Variants in MAD1L1 observed in about 807,000 individuals in gnomAD.
MAD1L1 encodes the protein mitotic spindle assembly checkpoint protein MAD1.
MAD1L1 carries 95 observed loss-of-function variants against 96.9 expected under a neutral mutation model. The ratio of observed to expected loss-of-function variants is 0.98; its 90% CI spans 0.83 to 1.16. The LOEUF (loss-of-function observed/expected upper bound fraction) is 1.16, where lower values mean the gene tolerates loss of function less well. Among genes scored for constraint, MAD1L1 ranks in the 50% most tolerant of loss-of-function variants. MAD1L1 has a pLI of 0.00. For missense variants in MAD1L1, 1,007 were observed against 954.4 expected, an observed-to-expected ratio of 1.06 and a Z score of -0.73; for synonymous variants, 473 against 396.6, an observed-to-expected ratio of 1.19 and a Z score of -2.29.
intron 10 of MAD1L1, among the ~76,000 whole-genome samples, chr7:2,204,218 C>T (rs1209447649): frequency 6.6e-6 from 1 of 152,160 alleles, no homozygotes; most frequent in Non-Finnish European, 1.5e-5. Flanking sequence ...TGAAGGCTGG[C>T]TTAAACAGCA....
At position 2,213,537 on chromosome 7, in the gene MAD1L1, C is replaced by A. The variant is rs73673549; in HGVS notation, c.925-264G>T. ...GTGAATCCCAGCAAGCTAAAAGCAACGTGTGGCTGTGGAGGGAGAAGGCAG... is the reference window on the plus strand; with the variant it reads ...GTGAATCCCAGCAAGCTAAAAGCAAAGTGTGGCTGTGGAGGGAGAAGGCAG... On this transcript the variant is annotated intron_variant, in intron 9 of 18. Coordinates refer to ENST00000265854, the MANE Select transcript of MAD1L1 (RefSeq NM_001013836.2). Among the ~76,000 whole-genome samples the A allele has an allele frequency of 0.016, 2,431 of 152,282 alleles. 64 individuals are homozygous for A. The highest frequency in any genetic ancestry group is 0.056 in the African/African-American group (2,310 of 41,532).
intron 18 of MAD1L1, among the ~76,000 whole-genome samples, chr7:1,886,524 G>A (rs1261807369): frequency 1.3e-5 from 2 of 152,228 alleles, no homozygotes; most frequent in East Asian, 3.9e-4. Flanking sequence ...GCGGCTGAGT[G>A]GGAGAGCACG....
intron 18 of MAD1L1, among the ~76,000 whole-genome samples, chr7:1,828,017 G>C (rs1446806032): frequency 6.6e-6 from 1 of 152,044 alleles, no homozygotes; most frequent in Non-Finnish European, 1.5e-5. Context: ...ATGCAGGCCC[G>C]CCCTCCTGTG....
chr7:1,821,778 C>T (rs1238595925), intron 18 of MAD1L1, among the ~76,000 whole-genome samples: 2 of 152,184 alleles, frequency 1.3e-5, no homozygotes, highest in Non-Finnish European at 2.9e-5. Context: ...AAGGGAAAGT[C>T]CTCCGACTTG....
At chr7:2,136,340 G>C (rs1788750529) in intron 11 of MAD1L1, among the ~76,000 whole-genome samples, 1 of 152,210 alleles carries the variant, frequency 6.6e-6, no homozygotes, top group East Asian at 1.9e-4. Flanking sequence ...TCCAGGCTGA[G>C]TGGCTCCACA....
Position 1,977,251 on chromosome 7 carries a change from C to T in MAD1L1, c.1505+3202G>A, listed in dbSNP as rs375070997. The stretch of plus-strand genomic sequence containing the variant: ...GGCATGGCGGGCTGCAGGTCCCAAG[C>T]GCTGCCCCACGGGGAGGCGGCTGAG... On this transcript the variant is annotated intron_variant, in intron 15 of 18. Transcript: ENST00000265854. Among the ~76,000 whole-genome samples, 68 of 152,334 alleles carry T rather than the reference C, an allele frequency of 4.5e-4. No individual in the cohort carries two copies. The East Asian group carries it at 0.011, about 24-fold the overall frequency.
At chr7:2,066,114 G>A (rs1784864759) in intron 12 of MAD1L1, among the ~76,000 whole-genome samples, 2 of 152,214 alleles carry the variant, frequency 1.3e-5, no homozygotes, top group South Asian at 4.1e-4. Flanking sequence ...TAAAGGTCTC[G>A]AAATAAAACC....
intron 14 of MAD1L1, among the ~76,000 whole-genome samples, chr7:1,998,033 C>A (rs975346424): frequency 6.6e-6 from 1 of 152,144 alleles, no homozygotes; most frequent in African/African-American, 2.4e-5. Context: ...AGCGCTTAAA[C>A]GGTGCTGCGT....
At chr7:1,889,057 G>A (rs775126985) in intron 18 of MAD1L1, among the ~76,000 whole-genome samples, 4 of 152,206 alleles carry the variant, frequency 2.6e-5, no homozygotes, top group South Asian at 2.1e-4. Flanking sequence ...GGTCCCCAAC[G>A]TGCCTGGCAC....
At chr7:2,084,331 G>A (rs562681869) in intron 11 of MAD1L1, among the ~76,000 whole-genome samples, 1 of 152,370 alleles carries the variant, frequency 6.6e-6, no homozygotes, top group Non-Finnish European at 1.5e-5. Context: ...ACAGCCACGG[G>A]CAGCGCGAGG....
At chr7:2,099,885 G>A (rs755266112) in intron 11 of MAD1L1, among the ~76,000 whole-genome samples, 9 of 152,242 alleles carry the variant, frequency 5.9e-5, no homozygotes, top group Non-Finnish European at 8.8e-5. Flanking sequence ...CGATGCCCCA[G>A]GCATGACTCA....
chr7:2,071,584 A>T lies in MAD1L1; in HGVS notation c.1074-2246T>A, dbSNP rs544101636. Among the ~76,000 whole-genome samples the T allele has an allele frequency of 1.2e-3, 184 of 152,316 alleles. 1 individual carries two copies. The highest frequency in any genetic ancestry group is 4.1e-3 in the African/African-American group (169 of 41,574). On this transcript the variant is annotated intron_variant, in intron 11 of 18. Transcript: ENST00000265854. ...CAGGATGGGGCGGGACACCAGGAAG[A>T]TCGAGGCCGGACTAGAGGCTCGGGA...
At chr7:2,029,417 G>A (rs181011656) in intron 12 of MAD1L1, among the ~76,000 whole-genome samples, 5 of 152,258 alleles carry the variant, frequency 3.3e-5, no homozygotes, top group South Asian at 2.1e-4. Context: ...TGGAGGAGCC[G>A]GCAGGTGAAC....
At chr7:1,898,558 G>A (rs145476241) in intron 17 of MAD1L1, among the ~76,000 whole-genome samples, 168 bp from the exon 18 acceptor site, 2 of 152,332 alleles carry the variant, frequency 1.3e-5, no homozygotes, top group Non-Finnish European at 2.9e-5. Flanking sequence ...GCATGCATGA[G>A]GGAACGGGAG....
At chr7:1,832,054 T>C (rs1276356213) in intron 18 of MAD1L1, among the ~76,000 whole-genome samples, 1 of 152,198 alleles carries the variant, frequency 6.6e-6, no homozygotes. Flanking sequence ...AAGGCTATAG[T>C]TGTCACAGAG....
At chr7:2,048,998 C>A (rs1175854516) in intron 12 of MAD1L1, among the ~76,000 whole-genome samples, 1 of 152,240 alleles carries the variant, frequency 6.6e-6, no homozygotes, top group Non-Finnish European at 1.5e-5. Context: ...GAACACACAT[C>A]ACCTTAGAAT....
At chr7:2,053,283 G>A (rs1042149137) in intron 12 of MAD1L1, among the ~76,000 whole-genome samples, 2 of 152,174 alleles carry the variant, frequency 1.3e-5, no homozygotes, top group African/African-American at 4.8e-5. Context: ...GGTGAGGCTG[G>A]GACCAAGAGT....
chr7:2,180,710 CTTATA>C (rs761061403), intron 10 of MAD1L1, among the ~76,000 whole-genome samples: 1 of 152,100 alleles, frequency 6.6e-6, no homozygotes, highest in Non-Finnish European at 1.5e-5. Flanking sequence ...TAAACATTAT[CTTATA>C]TTAAATATAA....
intron 12 of MAD1L1, among the ~76,000 whole-genome samples, chr7:2,019,903 G>A (rs546455558): frequency 6.7e-6 from 1 of 149,482 alleles, no homozygotes; most frequent in Non-Finnish European, 1.5e-5. Flanking sequence ...CCTAAACGAG[G>A]TTTTTTTTTT....
Sources: allele counts gnomAD v4.1 joint callset (sites outside exome capture counted in the v4.1 genomes callset), GRCh38; gene constraint gnomAD v4.1.1; transcripts MANE v1.5; gene names NCBI Gene and HGNC (gene_info 2026-07-23, HGNC 2026-07-21).